AFG1L: variants seen among roughly 807,000 people sequenced by gnomAD.
The protein encoded by AFG1L is AFG1 like ATPase.
A neutral mutation model predicts 62.2 loss-of-function variants in AFG1L; 53 were observed. The ratio of observed to expected loss-of-function variants is 0.85; its 90% CI spans 0.68 to 1.07. The LOEUF (loss-of-function observed/expected upper bound fraction) is 1.07, where lower values mean the gene tolerates loss of function less well. AFG1L is among the 50% of genes least tolerant of loss of function. AFG1L has a pLI of 0.00. For missense variants in AFG1L, 555 were observed against 590.5 expected, an observed-to-expected ratio of 0.94 and a Z score of 0.62; for synonymous variants, 228 against 210.3, an observed-to-expected ratio of 1.08 and a Z score of -0.73.
rs1216156485 is a variant in AFG1L at position 108,355,764 on chromosome 6, T to C, written c.517+9T>C. On this transcript the variant is annotated intron_variant, in intron 4 of 12. Coordinates refer to ENST00000368977, the MANE Select transcript of AFG1L (RefSeq NM_145315.5). ...GCTAGATGTGCACAAAAGTAAGCAA[T>C]GATCTGAAAGAAGTGATTTTTTCAG... 1.3e-6 allele frequency: 2 copies of C among 1,579,268 alleles called. No homozygotes were observed. Among genetic ancestry groups the C allele is most frequent in the East Asian group, 4.5e-5 (2 of 44,288 alleles).
intron 7 of AFG1L, among the ~76,000 whole-genome samples, chr6:108,437,316 T>C (rs1771353637): frequency 6.6e-6 from 1 of 152,202 alleles, no homozygotes; most frequent in Non-Finnish European, 1.5e-5. Context: ...AATTATCATG[T>C]GTATTTTGTG....
At chr6:108,452,305 A>G (rs1772088896) in intron 8 of AFG1L, among the ~76,000 whole-genome samples, 2 of 152,116 alleles carry the variant, frequency 1.3e-5, no homozygotes, top group South Asian at 4.2e-4. Flanking sequence ...AGGATCCATG[A>G]TATGCTTCCC....
At chr6:108,515,790 T>C (rs1420274789) in intron 11 of AFG1L, among the ~76,000 whole-genome samples, 1 of 151,896 alleles carries the variant, frequency 6.6e-6, no homozygotes, top group Non-Finnish European at 1.5e-5. Flanking sequence ...AAGAATCAAA[T>C]AGACACAATA....
intron 10 of AFG1L, among the ~76,000 whole-genome samples, chr6:108,497,158 C>T (rs1774001576): frequency 6.6e-6 from 1 of 152,094 alleles, no homozygotes; most frequent in Non-Finnish European, 1.5e-5. Context: ...TTACTACAAC[C>T]CATCAAACTG....
chr6:108,442,553 A>G (rs1449114383), intron 7 of AFG1L, among the ~76,000 whole-genome samples: 1 of 152,154 alleles, frequency 6.6e-6, no homozygotes, highest in African/African-American at 2.4e-5. Context: ...TCATGCCAGC[A>G]TTGCAGGGAG....
intron 6 of AFG1L, among the ~76,000 whole-genome samples, chr6:108,378,214 A>G (rs1175345733): frequency 6.6e-6 from 1 of 151,662 alleles, no homozygotes; most frequent in Non-Finnish European, 1.5e-5. Context: ...TTATCTCTTC[A>G]TTTCCTGGAT....
At chr6:108,308,581 A>G (rs1777291923) in intron 1 of AFG1L, among the ~76,000 whole-genome samples, 1 of 152,186 alleles carries the variant, frequency 6.6e-6, no homozygotes, top group African/African-American at 2.4e-5. Flanking sequence ...TGATGCAAAC[A>G]TAGCTCACTG....
chr6:108,352,725 C>A (rs905905130), intron 3 of AFG1L, among the ~76,000 whole-genome samples: 1 of 151,238 alleles, frequency 6.6e-6, no homozygotes, highest in Non-Finnish European at 1.5e-5. Flanking sequence ...CCACAATGCC[C>A]AACTAATTTT....
chr6:108,341,008 C>T (rs1046360070), intron 2 of AFG1L, among the ~76,000 whole-genome samples: 2 of 152,102 alleles, frequency 1.3e-5, no homozygotes, highest in African/African-American at 4.8e-5. Flanking sequence ...ACAGTGAACT[C>T]ACCAGGAAAA....
intron 5 of AFG1L, among the ~76,000 whole-genome samples, chr6:108,360,817 C>T (rs1055779078): frequency 2.0e-5 from 3 of 152,166 alleles, no homozygotes; most frequent in Non-Finnish European, 4.4e-5. Flanking sequence ...CTCTACTTAT[C>T]CCCCTTCCCT....
At chr6:108,302,986 C>T (rs1777067347) in intron 1 of AFG1L, among the ~76,000 whole-genome samples, 1 of 152,084 alleles carries the variant, frequency 6.6e-6, no homozygotes, top group East Asian at 1.9e-4. Context: ...CTCTGTCACC[C>T]ACTGCAACCT....
At chr6:108,348,240 G>A (rs1778945036) in intron 3 of AFG1L, among the ~76,000 whole-genome samples, 1 of 152,038 alleles carries the variant, frequency 6.6e-6, no homozygotes, top group Admixed American at 6.6e-5. Flanking sequence ...CACCATGCCC[G>A]GCTAATTTTT....
intron 8 of AFG1L, among the ~76,000 whole-genome samples, chr6:108,450,231 A>C (rs1235332188): frequency 4.6e-5 from 7 of 152,146 alleles, no homozygotes; most frequent in Non-Finnish European, 1.0e-4. Flanking sequence ...GTGTAAAAGC[A>C]TTCCTATTTC....
chr6:108,420,815 T>C (rs547297403), intron 7 of AFG1L, among the ~76,000 whole-genome samples: 2 of 152,258 alleles, frequency 1.3e-5, no homozygotes, highest in South Asian at 2.1e-4. Context: ...ATATATACTG[T>C]TTAGGACTTG....
chr6:108,522,130 G>C (rs1192853962), intron 12 of AFG1L, 167 bp from the exon 13 acceptor site: 7 of 496,098 alleles, frequency 1.4e-5, no homozygotes, highest in Non-Finnish European at 2.5e-5. Context: ...AGTTTAAATT[G>C]GTTGACTCTC....
chr6:108,440,835 GGAAAA>G (rs1460805902), intron 7 of AFG1L, among the ~76,000 whole-genome samples: 4 of 139,378 alleles, frequency 2.9e-5, no homozygotes, highest in Non-Finnish European at 6.3e-5. Context: ...AAAGAAAAAA[GGAAAA>G]GAAAAGTCTC....
chr6:108,390,375 G>A (rs1780996333), intron 6 of AFG1L, among the ~76,000 whole-genome samples: 1 of 152,212 alleles, frequency 6.6e-6, no homozygotes, highest in Admixed American at 6.5e-5. Flanking sequence ...ACTTGTCAAA[G>A]TCATTCTCTG....
chr6:108,480,680 C>T (rs1237431507), intron 10 of AFG1L, among the ~76,000 whole-genome samples: 3 of 152,088 alleles, frequency 2.0e-5, no homozygotes, highest in Non-Finnish European at 4.4e-5. Flanking sequence ...CATCTGTAAT[C>T]CCAGCTACTC....
intron 1 of AFG1L, among the ~76,000 whole-genome samples, chr6:108,299,583 AC>A: frequency 6.6e-6 from 1 of 152,276 alleles, no homozygotes; most frequent in South Asian, 2.1e-4. Flanking sequence ...GGGATCTGAG[AC>A]TAAGAAAGAA....
Sources: allele counts gnomAD v4.1 joint callset (sites outside exome capture counted in the v4.1 genomes callset), GRCh38; gene constraint gnomAD v4.1.1; transcripts MANE v1.5; gene names NCBI Gene and HGNC (gene_info 2026-07-23, HGNC 2026-07-21).